Variants in CDC34 observed in about 807,000 individuals in gnomAD.
CDC34 encodes ubiquitin-conjugating enzyme E2 R1.
In CDC34, 18 loss-of-function variants were observed where a neutral mutation model predicts 26.8. The observed-to-expected ratio is 0.67, with a 90% confidence interval of 0.47 to 1.00. CDC34 has a LOEUF of 1.00. CDC34 is among the 50% of genes least tolerant of loss of function. The pLI, the probability that CDC34 is intolerant of heterozygous loss-of-function variation, is 0.00. For synonymous variants in CDC34, 178 were observed against 147.5 expected (o/e 1.21, Z -1.50); for missense variants, 280 against 334.5 (o/e 0.84, Z 1.27).
In CDC34 at chr19:541,662, T is replaced by G. The variant is rs912680919; in HGVS notation, c.*110T>G. 50 of 1,299,474 alleles carry G rather than the reference T, an allele frequency of 3.8e-5. No homozygotes were observed. Among genetic ancestry groups the G allele is most frequent in the Middle Eastern group, 4.5e-4 (2 of 4,438 alleles). The allele number at this position is 1,299,474 out of a possible 1,614,324, so 80.5% of individuals were successfully genotyped here. A position where few individuals can be genotyped will look rare whatever the true frequency, so the allele number is the denominator to read the frequency against. The stretch of plus-strand genomic sequence containing the variant: ...TGTGCTGGTCCCCGTCTCCTCTGGT[T>G]GTTTCGTTTTGGCTTTTTCTCCCTC... On this transcript the variant is annotated 3_prime_UTR_variant, in exon 5 of 5. Coordinates refer to ENST00000215574, the MANE Select transcript of CDC34 (RefSeq NM_004359.2).
intron 4 of CDC34, among the ~76,000 whole-genome samples, chr19:539,999 G>C (rs1233585412): frequency 7.0e-6 from 1 of 143,734 alleles, no homozygotes; most frequent in Non-Finnish European, 1.5e-5. Context: ...GGCCGGGGTG[G>C]CCAGGCCCCC....
intron 4 of CDC34, chr19:538,548 C>A: frequency 9.0e-6 from 2 of 221,802 alleles, no homozygotes; most frequent in African/African-American, 2.4e-5. Flanking sequence ...TTTTTTTTTT[C>A]TCAGAGTGAT....
At chr19:535,781 C>A in intron 1 of CDC34, 56 bp from the exon 2 acceptor site, 2 of 1,380,690 alleles carry the variant, frequency 1.4e-6, no homozygotes, top group Non-Finnish European at 2.1e-6. Context: ...ACCTTGTGAG[C>A]TGGGGCAGGT....
chr19:537,372 A>C (rs1444868434), intron 4 of CDC34, among the ~76,000 whole-genome samples: 1 of 151,838 alleles, frequency 6.6e-6, no homozygotes, highest in African/African-American at 2.4e-5. Flanking sequence ...TTTTTGTTTG[A>C]GACAGAGTCT....
chr19:533,843 C>T (rs1445596045), intron 1 of CDC34, among the ~76,000 whole-genome samples: 7 of 152,210 alleles, frequency 4.6e-5, no homozygotes, highest in East Asian at 1.9e-4. Context: ...TCTCCCTTCC[C>T]GCTGTGCCTG....
At chr19:534,173 T>C (rs993878876) in intron 1 of CDC34, among the ~76,000 whole-genome samples, 3 of 152,174 alleles carry the variant, frequency 2.0e-5, no homozygotes, top group Non-Finnish European at 4.4e-5. Flanking sequence ...AGCACCAGGC[T>C]TGGGGGGCCT....
At position 541,983 on chromosome 19, in the gene CDC34, C is replaced by G. The variant is rs1381906994; in HGVS notation, c.*431C>G. 1 of 159,492 alleles carries G rather than the reference C, an allele frequency of 6.3e-6. No individual in the cohort carries two copies. Among genetic ancestry groups the G allele is most frequent in the Non-Finnish European group, 1.4e-5 (1 of 72,592 alleles). The allele number at this position is 159,492 out of a possible 1,614,324, so 9.9% of individuals were successfully genotyped here. A position where few individuals can be genotyped will look rare whatever the true frequency, so the allele number is the denominator to read the frequency against. ...AGGGGCCCGGTCCTGCCTGTCAGCT[C>G]CAGGTCCTGGAGCCACGTCCAGCAC... On this transcript the variant is annotated 3_prime_UTR_variant, in exon 5 of 5. Coordinates refer to ENST00000215574, the MANE Select transcript of CDC34 (RefSeq NM_004359.2).
intron 1 of CDC34, 34 bp downstream of exon 1, chr19:532,142 C>A: frequency 6.9e-7 from 1 of 1,459,388 alleles, no homozygotes; most frequent in Non-Finnish European, 9.0e-7. Flanking sequence ...GGTCCCGGAG[C>A]CCACGAGCGA....
At chr19:538,717 C>G in intron 4 of CDC34, 4 of 985,410 alleles carry the variant, frequency 4.1e-6, no homozygotes, top group Non-Finnish European at 4.8e-6. Context: ...CCTGCACTCG[C>G]TGGTACCTGG....
chr19:539,566 T>C (rs1979918181), intron 4 of CDC34, among the ~76,000 whole-genome samples: 1 of 152,122 alleles, frequency 6.6e-6, no homozygotes. Context: ...ACTGGGCTTG[T>C]GGGCTGGGCT....
intron 4 of CDC34, among the ~76,000 whole-genome samples, chr19:538,287 C>T (rs1241088964): frequency 6.6e-6 from 1 of 152,228 alleles, no homozygotes; most frequent in Non-Finnish European, 1.5e-5. Flanking sequence ...GTGCAGTCGC[C>T]TACCGGCGCC....
At chr19:539,241 C>T (rs960537298) in intron 4 of CDC34, among the ~76,000 whole-genome samples, 6 of 152,108 alleles carry the variant, frequency 3.9e-5, no homozygotes, top group Admixed American at 6.5e-5. Flanking sequence ...CTCATGCTGG[C>T]GGTGTGCCGG....
At chr19:536,568 A>G (rs1979763901) in intron 3 of CDC34, 2 of 582,076 alleles carry the variant, frequency 3.4e-6, no homozygotes, top group Middle Eastern at 4.5e-4. Flanking sequence ...CCAGGACCCC[A>G]GGCCGGCCCC....
rs115296819 is a variant in CDC34 at position 536,178 on chromosome 19, G to A, written c.265-65G>A. On this transcript the variant is annotated intron_variant, in intron 2 of 4. Coordinates refer to ENST00000215574, the MANE Select transcript of CDC34 (RefSeq NM_004359.2). ...CGTCCTCCACGTCCTCATCCTCCGGGACCTGGGGCACTGGGAGCCCGTGCT... is the reference window on the plus strand; with the variant it reads ...CGTCCTCCACGTCCTCATCCTCCGGAACCTGGGGCACTGGGAGCCCGTGCT... 711 of 1,328,574 alleles carry A rather than the reference G, an allele frequency of 5.4e-4. 4 individuals are homozygous for A. In the African/African-American group the frequency reaches 9.0e-3, roughly 17 times the overall value. The allele number at this position is 1,328,574 out of a possible 1,614,324, so 82.3% of individuals were successfully genotyped here. A position where few individuals can be genotyped will look rare whatever the true frequency, so the allele number is the denominator to read the frequency against.
intron 4 of CDC34, among the ~76,000 whole-genome samples, chr19:537,823 T>G (rs561343033): frequency 6.6e-6 from 1 of 151,816 alleles, no homozygotes; most frequent in East Asian, 1.9e-4. Flanking sequence ...GCCGAGCTAA[T>G]TTTTGTAATT....
At position 533,374 on chromosome 19, in the gene CDC34, A is replaced by T. The variant is rs567996314; in HGVS notation, c.177+1266A>T. On this transcript the variant is annotated intron_variant, in intron 1 of 4. Transcript: ENST00000215574. The stretch of plus-strand genomic sequence containing the variant: ...TATGTGTCTGCTCTCCGAGCTAATT[A>T]GTGTCTGAACCGCACCCGCTCAGCG... Among the ~76,000 whole-genome samples the T allele has an allele frequency of 1.1e-3, 173 of 152,316 alleles. 3 individuals are homozygous for T. The highest frequency in any genetic ancestry group is 3.9e-3 in the African/African-American group (164 of 41,568).
intron 4 of CDC34, 81 bp downstream of exon 4, chr19:537,228 C>T (rs1392006512): frequency 6.6e-7 from 1 of 1,512,734 alleles, no homozygotes; most frequent in East Asian, 2.3e-5. Context: ...GGCCGCCCAG[C>T]CCCACCTTCC....
intron 2 of CDC34, 49 bp downstream of exon 2, chr19:535,972 G>C (rs1185401730): frequency 1.9e-6 from 3 of 1,541,334 alleles, no homozygotes; most frequent in Middle Eastern, 1.7e-4. Flanking sequence ...CGGGACCCAG[G>C]GTGCTGGGAG....
intron 4 of CDC34, among the ~76,000 whole-genome samples, chr19:538,348 G>A (rs983467651): frequency 1.2e-4 from 19 of 152,202 alleles, no homozygotes; most frequent in African/African-American, 4.1e-4. Flanking sequence ...GGTGACCCAC[G>A]GCTCTCCCTC....
Sources: allele counts gnomAD v4.1 joint callset (sites outside exome capture counted in the v4.1 genomes callset), GRCh38; gene constraint gnomAD v4.1.1; transcripts MANE v1.5; gene names NCBI Gene and HGNC (gene_info 2026-07-23, HGNC 2026-07-21).